PARN: variants seen among roughly 807,000 people sequenced by gnomAD.
PARN encodes poly(A)-specific ribonuclease PARN.
A neutral mutation model predicts 102.8 loss-of-function variants in PARN; 71 were observed. The observed-to-expected ratio is 0.69, with a 90% CI of 0.57 to 0.84. PARN has a LOEUF of 0.84. Ranked by LOEUF, PARN falls within the 40% of genes least tolerant of loss-of-function variation. The pLI is 0.00. For missense variants in PARN, 782 were observed against 760.9 expected (o/e 1.03, Z -0.33); for synonymous variants, 261 against 252.9 (o/e 1.03, Z -0.30).
At chr16:14,491,650 T>C (rs1964062938) in intron 21 of PARN, among the ~76,000 whole-genome samples, 1 of 152,032 alleles carries the variant, frequency 6.6e-6, no homozygotes, top group Admixed American at 6.5e-5. Flanking sequence ...TGCACACCTA[T>C]AGTCCCAGCT....
At chr16:14,620,751 T>A (rs1289143776) in intron 5 of PARN, among the ~76,000 whole-genome samples, 1 of 152,210 alleles carries the variant, frequency 6.6e-6, no homozygotes, top group African/African-American at 2.4e-5. Context: ...GGGAAAGCTA[T>A]ACTAATCCTG....
intron 21 of PARN, among the ~76,000 whole-genome samples, chr16:14,544,817 ACAATTCTACAAT>A (rs1370965664): frequency 6.6e-6 from 1 of 152,212 alleles, no homozygotes; most frequent in Non-Finnish European, 1.5e-5. Context: ...GGGTAAACAG[ACAATTCTACAAT>A]CACAGGCGAT....
chr16:14,451,869 C>CAAAAAAAAAAAA (rs869041563), intron 22 of PARN, among the ~76,000 whole-genome samples: 35 of 52,490 alleles, frequency 6.7e-4, no homozygotes, highest in East Asian at 9.8e-4. Flanking sequence ...AAAAAAAATA[C>CAAAAAAAAAAAA]AAAAAAAAAA....
chr16:14,542,016 T>C (rs950522364), intron 21 of PARN, among the ~76,000 whole-genome samples: 4 of 150,750 alleles, frequency 2.7e-5, no homozygotes, highest in African/African-American at 9.8e-5. Flanking sequence ...GAGAATGATT[T>C]TTTTTTGAGA....
intron 23 of PARN, among the ~76,000 whole-genome samples, chr16:14,438,450 G>T (rs573146592): frequency 9.4e-5 from 14 of 148,956 alleles, no homozygotes; most frequent in African/African-American, 2.5e-4. Flanking sequence ...TTGGGGGGGG[G>T]GGTGTGTGAG....
chr16:14,585,093 AG>A (rs1252970441), intron 14 of PARN, among the ~76,000 whole-genome samples: 1 of 152,216 alleles, frequency 6.6e-6, no homozygotes, highest in African/African-American at 2.4e-5. Flanking sequence ...CTGGATCCTC[AG>A]AGAGCCTGGG....
chr16:14,467,184 A>G (rs986799657), intron 22 of PARN, among the ~76,000 whole-genome samples: 16 of 152,216 alleles, frequency 1.1e-4, no homozygotes, highest in African/African-American at 3.9e-4. Flanking sequence ...TTTTAGGCAA[A>G]TTCCAAATGA....
chr16:14,437,265 C>T (rs1348287167), intron 23 of PARN, among the ~76,000 whole-genome samples: 1 of 152,190 alleles, frequency 6.6e-6, no homozygotes, highest in Non-Finnish European at 1.5e-5. Flanking sequence ...CCTCCCACAG[C>T]ACCAACATCC....
chr16:14,508,634 T>C (rs1965023265), intron 21 of PARN, among the ~76,000 whole-genome samples: 1 of 151,546 alleles, frequency 6.6e-6, no homozygotes, highest in Admixed American at 6.6e-5. Flanking sequence ...ATCAAAAATA[T>C]AGAAATCCCT....
intron 21 of PARN, among the ~76,000 whole-genome samples, chr16:14,490,711 C>T (rs552067314): frequency 6.6e-6 from 1 of 152,282 alleles, no homozygotes; most frequent in South Asian, 2.1e-4. Flanking sequence ...TCAGGATTGT[C>T]ACCCCAAGCC....
At chr16:14,484,693 C>G (rs1004097395) in intron 21 of PARN, among the ~76,000 whole-genome samples, 1 of 152,126 alleles carries the variant, frequency 6.6e-6, no homozygotes, top group African/African-American at 2.4e-5. Context: ...GGCAGATGTC[C>G]CACATCCGGC....
intron 21 of PARN, among the ~76,000 whole-genome samples, chr16:14,520,493 C>G (rs1270547487): frequency 6.6e-6 from 1 of 151,856 alleles, no homozygotes; most frequent in African/African-American, 2.4e-5. Flanking sequence ...TTTGGGAGGC[C>G]AAGGTGGACT....
At chr16:14,482,588 A>G (rs1596485466) in intron 22 of PARN, 50 bp downstream of exon 22, 1 of 1,386,956 alleles carries the variant, frequency 7.2e-7, no homozygotes, top group South Asian at 1.4e-5. Flanking sequence ...CAACAAGAAA[A>G]GCCATTGCTA....
intron 21 of PARN, among the ~76,000 whole-genome samples, chr16:14,521,758 C>G (rs925502770): frequency 6.6e-6 from 1 of 151,390 alleles, no homozygotes; most frequent in African/African-American, 2.4e-5. Context: ...ACCAAGATTG[C>G]GCCATTGCAC....
intron 10 of PARN, among the ~76,000 whole-genome samples, chr16:14,605,110 C>A (rs1004134151): frequency 6.7e-6 from 1 of 150,372 alleles, no homozygotes; most frequent in East Asian, 2.0e-4. Context: ...TGGCTAATTT[C>A]TTTTTATATT....
At position 14,584,497 on chromosome 16, in the gene PARN, C is replaced by CT; in HGVS notation, c.1006-76_1006-75insA. The CT allele has an allele frequency of 4.1e-6, 5 of 1,217,988 alleles. No homozygotes were observed. The Admixed American group carries it at 6.0e-5, about 15-fold the overall frequency. The allele number at this position is 1,217,988 out of a possible 1,614,324, so 75.4% of individuals were successfully genotyped here. On this transcript the variant is annotated intron_variant, in intron 15 of 23. Transcript: ENST00000437198. Reference sequence around the variant, plus strand: ...TATATTAAAGAGATTCACTGACCCCCCCAAAAAAAAGACAGCATCTAGTAC... The same window carrying CT: ...TATATTAAAGAGATTCACTGACCCCCTCCAAAAAAAAGACAGCATCTAGTAC...
intron 22 of PARN, among the ~76,000 whole-genome samples, chr16:14,451,821 C>T (rs1262592038): frequency 2.0e-5 from 2 of 102,294 alleles, no homozygotes; most frequent in East Asian, 6.0e-4. Flanking sequence ...ACAGCCTGGG[C>T]AATGTGGAGA....
Position 14,452,405 on chromosome 16 carries a change from C to T in PARN, c.1671-5324G>A, listed in dbSNP as rs183125248. On this transcript the variant is annotated intron_variant, in intron 22 of 23. Coordinates refer to ENST00000437198, the MANE Select transcript of PARN (RefSeq NM_002582.4). ...TTATTTATTTAGAGACGGAGTCTTG[C>T]TCCGTTGCTCAGGCTGGAGTGTAGT... is the stretch of plus-strand genomic sequence containing the variant. 5.3e-3 allele frequency among the ~76,000 whole-genome samples: 802 copies of T among 152,324 alleles called. 9 individuals are homozygous for T. Among genetic ancestry groups the T allele is most frequent in the Non-Finnish European group, 4.6e-3 (316 of 68,032 alleles).
At chr16:14,470,691 C>T (rs1490971702) in intron 22 of PARN, among the ~76,000 whole-genome samples, 1 of 151,914 alleles carries the variant, frequency 6.6e-6, no homozygotes, top group Non-Finnish European at 1.5e-5. Flanking sequence ...ACTCCTGAGC[C>T]CAAGTGATCT....
Sources: allele counts gnomAD v4.1 joint callset (sites outside exome capture counted in the v4.1 genomes callset), GRCh38; gene constraint gnomAD v4.1.1; transcripts MANE v1.5; gene names NCBI Gene and HGNC (gene_info 2026-07-23, HGNC 2026-07-21).